PSMD1: variants seen among roughly 807,000 people sequenced by gnomAD.
PSMD1 encodes proteasome 26S subunit, non-ATPase 1.
In PSMD1, 18 loss-of-function variants were observed where a neutral mutation model predicts 119.0. That is an observed-to-expected ratio of 0.15 (90% CI 0.10 to 0.22). The LOEUF (loss-of-function observed/expected upper bound fraction) is 0.22, where lower values mean the gene tolerates loss of function less well. Ranked by LOEUF, PSMD1 falls within the 10% of genes least tolerant of loss-of-function variation. The probability of loss-of-function intolerance (pLI) is 1.00; values close to 1 mark genes in which losing one functional copy is unlikely to be tolerated. For missense variants in PSMD1, 702 were observed against 1,158.5 expected, an observed-to-expected ratio of 0.61 and a Z score of 5.72; for synonymous variants, 374 against 396.6, an observed-to-expected ratio of 0.94 and a Z score of 0.68.
rs1318075346 is a variant in PSMD1, at chr2:231,056,975, C to T, written c.-51C>T. 1.0e-5 allele frequency: 16 copies of T among 1,539,850 alleles called. No individual in the cohort carries two copies. The highest frequency in any genetic ancestry group is 1.2e-5 in the Non-Finnish European group (14 of 1,144,328). On this transcript the variant is annotated 5_prime_UTR_variant, in exon 1 of 25. Transcript: ENST00000308696. ...AGCGGCCCCTGAGCTGACAGATACA[C>T]TGCGCAGCTGGAACGGCGAGCGAGC...
chr2:231,162,215 A>G (rs1162598913), intron 20 of PSMD1, among the ~76,000 whole-genome samples: 2 of 152,166 alleles, frequency 1.3e-5, no homozygotes, highest in African/African-American at 4.8e-5. Context: ...TGACTTGATG[A>G]TTCATCTTCT....
At chr2:231,160,277 A>G (rs1354510061) in intron 19 of PSMD1, among the ~76,000 whole-genome samples, 1 of 152,230 alleles carries the variant, frequency 6.6e-6, no homozygotes, top group Non-Finnish European at 1.5e-5. Flanking sequence ...GAGAAAAGGA[A>G]TTAGAAATAA....
intron 16 of PSMD1, among the ~76,000 whole-genome samples, chr2:231,088,103 C>T (rs1694499126): frequency 6.6e-6 from 1 of 152,142 alleles, no homozygotes; most frequent in Non-Finnish European, 1.5e-5. Flanking sequence ...TGAGTATAAT[C>T]ATAATACCCA....
chr2:231,070,282 A>G, intron 6 of PSMD1, 114 bp downstream of exon 6: 2 of 862,924 alleles, frequency 2.3e-6, no homozygotes, highest in Non-Finnish European at 3.1e-6. Context: ...CATGTATCTC[A>G]GCTGATCTTC....
intron 12 of PSMD1, 49 bp from the exon 13 acceptor site, chr2:231,082,834 A>T (rs772385544): frequency 3.7e-6 from 5 of 1,340,124 alleles, no homozygotes; most frequent in South Asian, 3.7e-5. Context: ...AAAAACTTGT[A>T]TGTTAAGTAC....
chr2:231,082,502 A>C (rs7559702), intron 12 of PSMD1, among the ~76,000 whole-genome samples: 81,939 of 152,114 alleles, frequency 0.54, 24,843 homozygotes, highest in African/African-American at 0.83. Context: ...TCAGGAAGTT[A>C]CAGACCAGCC....
At chr2:231,144,314 C>T (rs1372446631) in intron 17 of PSMD1, among the ~76,000 whole-genome samples, 1 of 150,540 alleles carries the variant, frequency 6.6e-6, no homozygotes, top group Non-Finnish European at 1.5e-5. Flanking sequence ...TGCAATGGCA[C>T]TATCCTGCCT....
In PSMD1 at chr2:231,096,426, CA is replaced by C. The variant is rs1425946799; in HGVS notation, c.1883+9246del. 3.3e-5 allele frequency among the ~76,000 whole-genome samples: 5 copies of C among 152,280 alleles called. No homozygotes were observed. In the East Asian group the frequency reaches 9.7e-4, roughly 29 times the overall value. On this transcript the variant is annotated intron_variant, in intron 16 of 24. Coordinates refer to ENST00000308696, the MANE Select transcript of PSMD1 (RefSeq NM_002807.4). ...ACTTCTGTGTATAGCAGGACCAAAG[CA>C]GCCCTGACTAAGGCCCATAACATTA...
rs1241794155 is a variant in PSMD1 at position 231,122,913 on chromosome 2, T to C, written c.1884-15823T>C. On this transcript the variant is annotated intron_variant, in intron 16 of 24. Transcript: ENST00000308696. ...AGGAATTGTGTTCAAGTTTATAATA[T>C]ACAAACTATTAAGAGCTATAATAAG... Among the ~76,000 whole-genome samples the C allele has an allele frequency of 5.9e-5, 9 of 152,312 alleles. No individual in the cohort carries two copies. In the East Asian group the frequency reaches 1.3e-3, roughly 23 times the overall value.
chr2:231,129,695 A>T (rs191651950), intron 16 of PSMD1, among the ~76,000 whole-genome samples: 2 of 152,372 alleles, frequency 1.3e-5, no homozygotes, highest in East Asian at 3.9e-4. Context: ...AAAGCTACAA[A>T]TAGCAGTAGC....
chr2:231,064,246 G>T (rs764510110), intron 4 of PSMD1, among the ~76,000 whole-genome samples: 2 of 152,172 alleles, frequency 1.3e-5, no homozygotes, highest in Admixed American at 6.5e-5. Context: ...TCATGAGGGG[G>T]TATACAAAAC....
chr2:231,153,281 C>T (rs575325078), intron 18 of PSMD1, among the ~76,000 whole-genome samples: 56 of 152,164 alleles, frequency 3.7e-4, no homozygotes, highest in African/African-American at 1.4e-3. Context: ...TGCTGACTAA[C>T]AGTGGTAATG....
intron 16 of PSMD1, among the ~76,000 whole-genome samples, chr2:231,094,896 G>T (rs902951853): frequency 3.9e-5 from 6 of 152,154 alleles, no homozygotes; most frequent in Non-Finnish European, 1.5e-5. Flanking sequence ...ATGACATCAG[G>T]GTCATAACCT....
At chr2:231,102,173 C>T (rs1028656454) in intron 16 of PSMD1, among the ~76,000 whole-genome samples, 2 of 152,108 alleles carry the variant, frequency 1.3e-5, no homozygotes, top group African/African-American at 4.8e-5. Flanking sequence ...TGATGTTGCA[C>T]ACTTAATAGG....
intron 16 of PSMD1, among the ~76,000 whole-genome samples, chr2:231,107,134 T>C (rs1312046074): frequency 6.6e-6 from 1 of 152,198 alleles, no homozygotes; most frequent in African/African-American, 2.4e-5. Context: ...AGGAATTAAA[T>C]GTGTATGATA....
chr2:231,160,602 T>G (rs1026082197), intron 19 of PSMD1, among the ~76,000 whole-genome samples: 4 of 152,240 alleles, frequency 2.6e-5, no homozygotes, highest in African/African-American at 9.6e-5. Flanking sequence ...CTATCTATGC[T>G]TGCCTCTGCT....
intron 11 of PSMD1, 115 bp downstream of exon 11, chr2:231,079,729 T>G (rs1694259270): frequency 1.6e-6 from 1 of 621,054 alleles, no homozygotes; most frequent in African/African-American, 1.9e-5. Flanking sequence ...TTAAGTCAGA[T>G]AAGTCATTTT....
At chr2:231,135,663 G>A (rs1233037003) in intron 16 of PSMD1, among the ~76,000 whole-genome samples, 5 of 152,030 alleles carry the variant, frequency 3.3e-5, no homozygotes, top group Non-Finnish European at 7.4e-5. Context: ...TAATTATAAA[G>A]GAGAAAACCC....
intron 15 of PSMD1, 67 bp from the exon 16 acceptor site, chr2:231,087,050 C>G: frequency 7.5e-7 from 1 of 1,325,736 alleles, no homozygotes. Context: ...TGATGCTGAC[C>G]TCTCATGTCA....
Sources: gnomAD v4.1 joint callset for allele counts (sites outside exome capture counted in the v4.1 genomes callset) on GRCh38, gnomAD v4.1.1 for gene constraint, MANE v1.5 for transcripts, NCBI Gene and HGNC (gene_info 2026-07-23, HGNC 2026-07-21) for gene names.